Variants in NAV1 observed in about 807,000 individuals in gnomAD.
The protein encoded by NAV1 is pore membrane and/or filament interacting like protein 3.
Under a neutral mutation model 175.2 loss-of-function variants are expected in NAV1, and 18 were observed. The observed-to-expected ratio is 0.10, with a 90% confidence interval of 0.07 to 0.15. The LOEUF (loss-of-function observed/expected upper bound fraction) is 0.15, where lower values mean the gene tolerates loss of function less well. Among genes scored for constraint, NAV1 ranks in the 10% least tolerant of loss-of-function variants. The pLI, the probability that NAV1 is intolerant of heterozygous loss-of-function variation, is 1.00. For missense variants in NAV1, 1,731 were observed against 2,436.6 expected (o/e 0.71, Z 6.10); for synonymous variants, 897 against 978.7 (o/e 0.92, Z 1.56).
intron 2 of NAV1, among the ~76,000 whole-genome samples, chr1:201,716,581 C>G (rs1391057911): frequency 6.6e-6 from 1 of 152,132 alleles, no homozygotes; most frequent in African/African-American, 2.4e-5. Flanking sequence ...AAAGGGGTTC[C>G]TAAAGGGCTG....
At chr1:201,611,961 GTGTA>G (rs760902751) in intron 2 of NAV1, among the ~76,000 whole-genome samples, 11 of 145,110 alleles carry the variant, frequency 7.6e-5, no homozygotes, top group Non-Finnish European at 1.2e-4. Context: ...CGGTGCGAGT[GTGTA>G]TGTGTCAGTG....
At chr1:201,596,800 T>C (rs1170206791) in intron 2 of NAV1, among the ~76,000 whole-genome samples, 1 of 150,866 alleles carries the variant, frequency 6.6e-6, no homozygotes, top group Non-Finnish European at 1.5e-5. Context: ...GTTGTTTTTT[T>C]AGTTTGTTTG....
chr1:201,566,594 A>T (rs1006617904), intron 1 of NAV1, among the ~76,000 whole-genome samples: 1 of 152,190 alleles, frequency 6.6e-6, no homozygotes, highest in Non-Finnish European at 1.5e-5. Context: ...CAACACACAC[A>T]GAACTCTTCT....
At chr1:201,814,451 GTTTTC>G (rs925060524) in intron 28 of NAV1, among the ~76,000 whole-genome samples, 8 of 151,942 alleles carry the variant, frequency 5.3e-5, no homozygotes, top group African/African-American at 1.9e-4. Context: ...AACCACCTCA[GTTTTC>G]TTACCTGTAA....
chr1:201,621,235 G>A (rs1668159333), upstream of NAV1, among the ~76,000 whole-genome samples: 2 of 150,940 alleles, frequency 1.3e-5, no homozygotes, highest in Admixed American at 6.6e-5. Flanking sequence ...TTTATTCTAT[G>A]GGATGTTTGC....
chr1:201,658,459 C>A (rs563569282), intron 1 of NAV1, among the ~76,000 whole-genome samples: 3 of 151,808 alleles, frequency 2.0e-5, no homozygotes, highest in Admixed American at 6.6e-5. Flanking sequence ...GAGATTCTGG[C>A]AGTAGAGGTA....
intron 1 of NAV1, among the ~76,000 whole-genome samples, chr1:201,689,416 A>T (rs1670812121): frequency 6.6e-6 from 1 of 152,194 alleles, no homozygotes; most frequent in African/African-American, 2.4e-5. Context: ...TCAACCAAGG[A>T]TACATCCATT....
chr1:201,621,945 A>C (rs1668184928), upstream of NAV1, among the ~76,000 whole-genome samples: 1 of 152,260 alleles, frequency 6.6e-6, no homozygotes, highest in Admixed American at 6.5e-5. Flanking sequence ...ATTAATTAAC[A>C]TGGCAAGGAG....
chr1:201,714,160 C>T (rs1672034780), intron 2 of NAV1, among the ~76,000 whole-genome samples: 1 of 152,220 alleles, frequency 6.6e-6, no homozygotes, highest in Non-Finnish European at 1.5e-5. Context: ...ATCCACACGC[C>T]TTGGCCTCCC....
chr1:201,622,017 A>G (rs1352450208), upstream of NAV1, among the ~76,000 whole-genome samples: 1 of 152,230 alleles, frequency 6.6e-6, no homozygotes, highest in African/African-American at 2.4e-5. Flanking sequence ...TTAATGAGTC[A>G]AGGTCTGGAA....
chr1:201,559,671 C>T (rs1341004941), intron 1 of NAV1, among the ~76,000 whole-genome samples: 1 of 152,038 alleles, frequency 6.6e-6, no homozygotes, highest in East Asian at 1.9e-4. Context: ...ATTTAGCAGC[C>T]CTTAAGAACA....
Position 201,578,055 on chromosome 1 carries a change from AT to A in NAV1, c.-143-10478del, listed in dbSNP as rs531546902. On this transcript the variant is annotated intron_variant, in intron 1 of 33. Transcript: ENST00000685211. Reference sequence around the variant, plus strand: ...TGCCAACTTTGCAAAGTTTTCAACTATTTTTTCTTGGAGTACTTTTTCAGCA... The same window carrying A: ...TGCCAACTTTGCAAAGTTTTCAACTATTTTTCTTGGAGTACTTTTTCAGCA... 4.1e-3 allele frequency among the ~76,000 whole-genome samples: 630 copies of A among 152,040 alleles called. 7 individuals carry two copies. The highest frequency in any genetic ancestry group is 0.014 in the African/African-American group (588 of 41,454).
intron 1 of NAV1, among the ~76,000 whole-genome samples, chr1:201,628,091 A>G (rs1051901920): frequency 3.3e-5 from 5 of 150,514 alleles, no homozygotes; most frequent in Non-Finnish European, 7.4e-5. Context: ...GTGAGCCTTG[A>G]TCATACCACT....
chr1:201,740,095 C>A lies in NAV1; in HGVS notation c.1226+21340C>A, dbSNP rs1280406481. ...CCCGCAGGTAAGCGCCCCCACCCCC[C>A]TGGCCTCACCGCCAGACCGCAGAGC... On this transcript the variant is annotated intron_variant, in intron 3 of 29. Coordinates refer to ENST00000367296, the Ensembl canonical transcript of NAV1. The surrounding 1 kb of genome is among the most constrained non-coding windows in gnomAD (Gnocchi z 4.7). 6.9e-6 allele frequency: 10 copies of A among 1,439,630 alleles called. No individual in the cohort carries two copies. The highest frequency in any genetic ancestry group is 9.1e-6 in the Non-Finnish European group (10 of 1,095,622). 89.2% of individuals were successfully genotyped at this position (1,439,630 alleles called of 1,614,324 possible). A position where few individuals can be genotyped will look rare whatever the true frequency, so the allele number is the denominator to read the frequency against.
intron 1 of NAV1, among the ~76,000 whole-genome samples, chr1:201,706,995 A>C (rs1019565582): frequency 6.6e-6 from 1 of 151,586 alleles, no homozygotes; most frequent in Non-Finnish European, 1.5e-5. Context: ...GCCAGAGGGG[A>C]CCCCTGAGGT....
At chr1:201,606,961 C>T (rs1667698666) in intron 2 of NAV1, among the ~76,000 whole-genome samples, 1 of 152,068 alleles carries the variant, frequency 6.6e-6, no homozygotes, top group Non-Finnish European at 1.5e-5. Context: ...CCTCTTGGAC[C>T]CAGTAATTCT....
At chr1:201,798,070 G>GT (rs1209130621) in intron 15 of NAV1, 1 of 152,204 alleles carries the variant, frequency 6.6e-6, no homozygotes, top group East Asian at 1.9e-4. Context: ...CCCTTCTGCA[G>GT]TTTGCGTATC....
rs576932789 is a variant in NAV1, at chr1:201,750,791, C to T, written c.1227-29630C>T. ...TTTGGCCTGCCTGCCTTTCTGAGAT[C>T]GGAGGAGGCCTGGAGGGTGGGGTGA... On this transcript the variant is annotated intron_variant, in intron 3 of 29. Coordinates refer to ENST00000367296, the Ensembl canonical transcript of NAV1. The surrounding 1 kb of genome is among the most constrained non-coding windows in gnomAD (Gnocchi z 4.1). Among the ~76,000 whole-genome samples, 5 of 151,948 alleles carry T rather than the reference C, an allele frequency of 3.3e-5. No homozygotes were observed. The highest frequency in any genetic ancestry group is 1.2e-4 in the African/African-American group (5 of 41,474).
At chr1:201,735,843 A>C (rs1673094789) in intron 3 of NAV1, among the ~76,000 whole-genome samples, 1 of 152,194 alleles carries the variant, frequency 6.6e-6, no homozygotes, top group African/African-American at 2.4e-5. Context: ...ATCTGGGAGC[A>C]GGTTTTTGAA....
Sources: allele counts gnomAD v4.1 joint callset (sites outside exome capture counted in the v4.1 genomes callset), GRCh38; gene constraint gnomAD v4.1.1; non-coding constraint Gnocchi (gnomAD v3.1); transcripts MANE v1.5; gene names NCBI Gene and HGNC (gene_info 2026-07-23, HGNC 2026-07-21).